TP53BP2: variants seen among roughly 807,000 people sequenced by gnomAD.
The protein encoded by TP53BP2 is tumor protein p53 binding protein 2.
In TP53BP2, 62 loss-of-function variants were observed where a neutral mutation model predicts 126.2. The ratio of observed to expected loss-of-function variants is 0.49; its 90% CI spans 0.40 to 0.61. The LOEUF (loss-of-function observed/expected upper bound fraction) is 0.61. TP53BP2 is among the 20% of genes least tolerant of loss of function. The pLI, the probability that TP53BP2 is intolerant of heterozygous loss-of-function variation, is 0.00. For missense variants in TP53BP2, 1,215 were observed against 1,402.8 expected (o/e 0.87, Z 2.14); for synonymous variants, 485 against 502.9 (o/e 0.96, Z 0.48).
chr1:223,840,875 A>G (rs59104475), intron 1 of TP53BP2, among the ~76,000 whole-genome samples: 17,284 of 152,236 alleles, frequency 0.11, 1,234 homozygotes, highest in East Asian at 0.21. Context: ...GGTTTCTCTG[A>G]AACAGGTAAA....
rs1377867539 is a variant in TP53BP2 at position 223,800,713 on chromosome 1, A to G, written c.1323T>C (p.Asn441=). 1.3e-6 allele frequency: 2 copies of G among 1,599,696 alleles called. No homozygotes were observed. Among genetic ancestry groups the G allele is most frequent in the East Asian group, 2.3e-5 (1 of 44,422 alleles). Residue 441 remains asparagine, a synonymous_variant, in exon 10 of 18, where the codon AAT becomes AAC. Coordinates refer to ENST00000343537, the MANE Select transcript of TP53BP2 (RefSeq NM_001031685.3). ...AATAAATCTCACCTTGATCCAGAGCATTCCCAGTGCTTTGAGGTACAGAAG... is the reference window on the plus strand; with the variant it reads ...AATAAATCTCACCTTGATCCAGAGCGTTCCCAGTGCTTTGAGGTACAGAAG... ...GSASVPQSTG[N]ALDQVDDGEV...
At position 223,798,124 on chromosome 1, in the gene TP53BP2, T is replaced by A. The variant is rs903223269; in HGVS notation, c.1948+91A>T. 17 of 1,253,610 alleles carry A rather than the reference T, an allele frequency of 1.4e-5. 1 individual carries two copies. The Admixed American group carries it at 3.8e-4, about 28-fold the overall frequency. The allele number at this position is 1,253,610 out of a possible 1,614,324, so 77.7% of individuals were successfully genotyped here. ...TAAAAACCCTTAGCGTCAGTCAAAA[T>A]AGGGATTAGTTATTTTGCTGTCTGC... On this transcript the variant is annotated intron_variant, in intron 12 of 17. Transcript: ENST00000343537.
At chr1:223,804,402 G>T in intron 5 of TP53BP2, 54 bp from the exon 6 acceptor site, 1 of 1,509,862 alleles carries the variant, frequency 6.6e-7, no homozygotes, top group Non-Finnish European at 9.1e-7. Flanking sequence ...ACACCACTAA[G>T]CTCAAAATAG....
chr1:223,806,359 C>G (rs760225156), intron 5 of TP53BP2, among the ~76,000 whole-genome samples: 5 of 152,032 alleles, frequency 3.3e-5, no homozygotes, highest in Non-Finnish European at 5.9e-5. Flanking sequence ...AGGATTTCTA[C>G]AAAATGCTAT....
intron 1 of TP53BP2, among the ~76,000 whole-genome samples, chr1:223,822,446 A>G (rs1383368722): frequency 6.6e-6 from 1 of 152,158 alleles, no homozygotes; most frequent in East Asian, 1.9e-4. Flanking sequence ...CGGGAAGATC[A>G]TGTGAGTCCA....
chr1:223,802,303 G>A lies in TP53BP2; in HGVS notation c.1038C>T (p.Ala346=). 2 of 1,614,184 alleles carry A rather than the reference G, an allele frequency of 1.2e-6. No individual in the cohort carries two copies. The highest frequency in any genetic ancestry group is 1.7e-6 in the Non-Finnish European group (2 of 1,180,022). Residue 346 remains alanine, a synonymous_variant, in exon 9 of 18, where the codon GCC becomes GCT. Coordinates refer to ENST00000343537, the MANE Select transcript of TP53BP2 (RefSeq NM_001031685.3). ...GACCTACTGCAGCCACACGGCTTGG[G>A]GCTGACGCGGCTTGCTGGGGAAGAT... The part of the protein sequence containing the change: ...DGNLPQQAAS[A]PSRVAAVGPY...
chr1:223,794,745 G>C (rs1662260719), intron 13 of TP53BP2, among the ~76,000 whole-genome samples: 1 of 151,956 alleles, frequency 6.6e-6, no homozygotes. Flanking sequence ...CGAGGCACAG[G>C]GTTGTTTAAA....
chr1:223,838,048 T>C lies in TP53BP2; in HGVS notation c.27+7606A>G, dbSNP rs78682091. On this transcript the variant is annotated intron_variant, in intron 1 of 17. Coordinates refer to ENST00000343537, the MANE Select transcript of TP53BP2 (RefSeq NM_001031685.3). Reference sequence around the variant, plus strand: ...AAATCTTCACAGGACCAGCTCCTTCTTGTCATTCAGGTCTCAGCTGAAATG... The same window carrying C: ...AAATCTTCACAGGACCAGCTCCTTCCTGTCATTCAGGTCTCAGCTGAAATG... 1.8e-3 allele frequency among the ~76,000 whole-genome samples: 279 copies of C among 152,168 alleles called. 5 individuals carry two copies. In the East Asian group the frequency reaches 0.048, roughly 26 times the overall value.
chr1:223,841,150 C>T (rs7517814), intron 1 of TP53BP2, among the ~76,000 whole-genome samples: 1 of 152,006 alleles, frequency 6.6e-6, no homozygotes, highest in African/African-American at 2.4e-5. Flanking sequence ...GGCTGAGGCA[C>T]AGAACTGCTT....
intron 5 of TP53BP2, 45 bp from the exon 6 acceptor site, chr1:223,804,393 C>T (rs775457421): frequency 1.3e-5 from 21 of 1,563,294 alleles, no homozygotes; most frequent in East Asian, 2.2e-5. Flanking sequence ...TAGGTAAGTA[C>T]ACCACTAAGC....
chr1:223,818,434 G>A (rs1663169985), intron 2 of TP53BP2: 1 of 150,732 alleles, frequency 6.6e-6, no homozygotes, highest in Non-Finnish European at 1.5e-5. Flanking sequence ...AACCCAGGAG[G>A]CGGAAGTTGC....
intron 17 of TP53BP2, among the ~76,000 whole-genome samples, chr1:223,782,136 T>C (rs1661796900): frequency 6.6e-6 from 1 of 152,198 alleles, no homozygotes; most frequent in Admixed American, 6.5e-5. Context: ...CTAATAGATG[T>C]TCTCACCAAA....
At chr1:223,791,596 A>C (rs1662158663) in intron 15 of TP53BP2, among the ~76,000 whole-genome samples, 1 of 152,238 alleles carries the variant, frequency 6.6e-6, no homozygotes, top group African/African-American at 2.4e-5. Flanking sequence ...TATGCAATTT[A>C]TATATGCATA....
In TP53BP2 at chr1:223,809,960, G is replaced by A. The variant is rs541928137; in HGVS notation, c.372+471C>T. On this transcript the variant is annotated intron_variant, in intron 4 of 17. Coordinates refer to ENST00000343537, the MANE Select transcript of TP53BP2 (RefSeq NM_001031685.3). ...TCCTGCCTCAGCCTCCTGAGTAGCTGGGATTACAGACATGTACTACTACAC... is the reference window on the plus strand; with the variant it reads ...TCCTGCCTCAGCCTCCTGAGTAGCTAGGATTACAGACATGTACTACTACAC... 1.0e-3 allele frequency among the ~76,000 whole-genome samples: 153 copies of A among 152,134 alleles called. 1 individual carries two copies. Among genetic ancestry groups the A allele is most frequent in the African/African-American group, 3.3e-3 (137 of 41,484 alleles).
chr1:223,782,874 T>C lies in TP53BP2; in HGVS notation c.3363+1241A>G, dbSNP rs562944474. On this transcript the variant is annotated intron_variant, in intron 17 of 17. Transcript: ENST00000343537. ...TGTCTAATCATCTATTCAAAACTTA[T>C]TATGAAATGGTTATTTCATAATAAA... Among the ~76,000 whole-genome samples the C allele has an allele frequency of 9.3e-4, 141 of 152,346 alleles. 1 individual carries two copies. The South Asian group carries it at 0.012, about 13-fold the overall frequency.
intron 1 of TP53BP2, among the ~76,000 whole-genome samples, chr1:223,824,901 A>G (rs964224212): frequency 2.6e-5 from 4 of 151,610 alleles, no homozygotes; most frequent in African/African-American, 9.7e-5. Flanking sequence ...CTGTTCCTCT[A>G]TTTGGAATGC....
chr1:223,785,579 G>T (rs556182757), intron 16 of TP53BP2, among the ~76,000 whole-genome samples: 26 of 152,174 alleles, frequency 1.7e-4, no homozygotes, highest in Non-Finnish European at 3.4e-4. Flanking sequence ...CAATAAATTA[G>T]GGACCAGGGT....
At chr1:223,836,299 G>A (rs901882656) in intron 1 of TP53BP2, among the ~76,000 whole-genome samples, 3 of 152,250 alleles carry the variant, frequency 2.0e-5, no homozygotes, top group Non-Finnish European at 4.4e-5. Context: ...AACTTGCTGT[G>A]AGCAAGAGGA....
chr1:223,814,281 C>T lies in TP53BP2; in HGVS notation c.248G>A (p.Arg83His), dbSNP rs765308464. 6.2e-7 allele frequency: 1 copy of T among 1,613,884 alleles called. No homozygotes were observed. Among genetic ancestry groups the T allele is most frequent in the South Asian group, 1.1e-5 (1 of 91,086 alleles). Residue 83 changes from arginine to histidine, a missense_variant, in exon 3 of 18, where the codon CGC becomes CAC. Arg to His is a conservative substitution (Grantham distance 29). Around this residue, in one of 4 missense-constraint regions of TP53BP2, gnomAD observed 814 missense variants for 853.0 expected, o/e 0.95. Coordinates refer to ENST00000343537, the MANE Select transcript of TP53BP2 (RefSeq NM_001031685.3). ...QRFGSQRNEV[R>H]FFLRHERPPG... ...GGGGCGTTCATGACGAAGGAAGAAG[C>T]GAACTTCGTTCCTCTGACTTCCAAA...
Sources: gnomAD v4.1 joint callset for allele counts (sites outside exome capture counted in the v4.1 genomes callset) on GRCh38, gnomAD v4.1.1 for gene constraint, gnomAD v4.1.1 regional missense constraint, MANE v1.5 for transcripts, NCBI Gene and HGNC (gene_info 2026-07-23, HGNC 2026-07-21) for gene names.